The following POLQ variants were observed in gnomAD, a reference collection of about 807,000 sequenced individuals.
The protein encoded by POLQ is epididymis secretory sperm binding protein.
Under a neutral mutation model 259.2 loss-of-function variants are expected in POLQ, and 233 were observed. That is an observed-to-expected ratio of 0.90 (90% CI 0.81 to 1.00). The LOEUF (loss-of-function observed/expected upper bound fraction) is 1.00. Ranked by LOEUF, POLQ falls within the 50% of genes least tolerant of loss-of-function variation. The probability of loss-of-function intolerance (pLI) is 0.00; values close to 1 mark genes in which losing one functional copy is unlikely to be tolerated. For synonymous variants in POLQ, 1,025 were observed against 1,048.8 expected, an observed-to-expected ratio of 0.98 and a Z score of 0.44; for missense variants, 2,871 against 3,051.6, an observed-to-expected ratio of 0.94 and a Z score of 1.39.
chr3:121,541,216 C>T, intron 3 of POLQ, 133 bp downstream of exon 3: 2 of 765,838 alleles, frequency 2.6e-6, no homozygotes, highest in East Asian at 2.7e-5. Flanking sequence ...TGGCAGTAGC[C>T]TCTTAAAGCT....
chr3:121,455,528 C>A (rs1473562833), intron 25 of POLQ, among the ~76,000 whole-genome samples: 2 of 149,156 alleles, frequency 1.3e-5, no homozygotes, highest in Non-Finnish European at 1.5e-5. Context: ...CAAATAGACA[C>A]AAAAAAAAAA....
Position 121,481,594 on chromosome 3 carries a change from C to T in POLQ, c.6189G>A (p.Leu2063=), listed in dbSNP as rs2047970363. 6.2e-7 allele frequency: 1 copy of T among 1,600,678 alleles called. No individual in the cohort carries two copies. Among genetic ancestry groups the T allele is most frequent in the East Asian group, 2.2e-5 (1 of 44,662 alleles). ...IFNSMNQLNS[L]LQKENLQDVF... ...TACCTTGAAGGTTTTCCTTCTGCAA[C>T]AAAGAGTTGAGCTGATTCATAGAGT... Residue 2063 remains leucine, a synonymous_variant, in exon 19 of 30, where the codon TTG becomes TTA. Coordinates refer to ENST00000264233, the MANE Select transcript of POLQ (RefSeq NM_199420.4).
intron 13 of POLQ, among the ~76,000 whole-genome samples, chr3:121,497,601 T>C (rs2048135009): frequency 6.6e-6 from 1 of 152,072 alleles, no homozygotes. Flanking sequence ...CACAAACGGC[T>C]AATTTTTGTA....
chr3:121,499,128 G>C (rs932109909), intron 12 of POLQ, among the ~76,000 whole-genome samples: 2 of 151,932 alleles, frequency 1.3e-5, no homozygotes, highest in South Asian at 2.1e-4. Flanking sequence ...AAAGACAAAG[G>C]CCTCAGGATT....
intron 22 of POLQ, among the ~76,000 whole-genome samples, chr3:121,469,269 T>C: frequency 6.6e-6 from 1 of 152,168 alleles, no homozygotes; most frequent in Non-Finnish European, 1.5e-5. Context: ...GTTGAATTTC[T>C]CTAAAACATG....
At chr3:121,518,924 T>C (rs2048317582) in intron 9 of POLQ, among the ~76,000 whole-genome samples, 1 of 152,220 alleles carries the variant, frequency 6.6e-6, no homozygotes, top group Non-Finnish European at 1.5e-5. Flanking sequence ...TACAGCACGT[T>C]AGAAATAAAA....
chr3:121,469,407 C>A (rs938000585), intron 22 of POLQ, among the ~76,000 whole-genome samples: 34 of 152,110 alleles, frequency 2.2e-4, no homozygotes, highest in African/African-American at 7.7e-4. Context: ...TGTCTACTAG[C>A]TATGTATAAC....
Position 121,468,416 on chromosome 3 carries a change from G to C in POLQ, c.6734C>G (p.Thr2245Arg). 1 of 1,609,574 alleles carries C rather than the reference G, an allele frequency of 6.2e-7. No homozygotes were observed. Among genetic ancestry groups the C allele is most frequent in the Non-Finnish European group, 8.5e-7 (1 of 1,176,546 alleles). ...SHTATGRITF[T>R]EPNIQNVPRD... ...TGGCACATTCTGAATATTTGGTTCT[G>C]TAAAGGTTATTCGTCCTAAAATCAA... The change falls in exon 23 of 30, where the codon ACA becomes AGA. Residue 2245 changes from threonine to arginine, a missense_variant. Thr to Arg is a moderately conservative substitution (Grantham distance 71). This residue lies in a region of POLQ where 2,080 missense variants were observed against 2,126.0 expected (regional missense o/e 0.98). Coordinates refer to ENST00000264233, the MANE Select transcript of POLQ (RefSeq NM_199420.4).
intron 9 of POLQ, among the ~76,000 whole-genome samples, chr3:121,516,847 A>AT (rs2048301299): frequency 6.6e-6 from 1 of 152,250 alleles, no homozygotes; most frequent in African/African-American, 2.4e-5. Flanking sequence ...ATTAGCTTGA[A>AT]GTTATGAGCA....
At chr3:121,543,782 G>C (rs1396830039) in intron 2 of POLQ, among the ~76,000 whole-genome samples, 1 of 151,810 alleles carries the variant, frequency 6.6e-6, no homozygotes, top group South Asian at 2.1e-4. Context: ...TCAGGAGTTC[G>C]AGACCAGCCT....
chr3:121,503,837 A>G (rs915967449), intron 12 of POLQ, among the ~76,000 whole-genome samples: 15 of 152,180 alleles, frequency 9.9e-5, no homozygotes, highest in Non-Finnish European at 2.9e-5. Context: ...ATGACAAAAT[A>G]AACTGTATGT....
chr3:121,458,975 C>T (rs886468715), intron 25 of POLQ, among the ~76,000 whole-genome samples: 3 of 152,192 alleles, frequency 2.0e-5, no homozygotes, highest in Admixed American at 6.5e-5. Context: ...CGGTGGTGTG[C>T]ATTTACCTCA....
At position 121,475,028 on chromosome 3, in the gene POLQ, A is replaced by G. The variant is rs1378427596; in HGVS notation, c.6405+1512T>C. On this transcript the variant is annotated intron_variant, in intron 20 of 29. Coordinates refer to ENST00000264233, the MANE Select transcript of POLQ (RefSeq NM_199420.4). The stretch of plus-strand genomic sequence containing the variant: ...CATTTTTTATGGTAAGACATTTGAA[A>G]TTTACTCTTAGTTACTTTGAAATAT... Among the ~76,000 whole-genome samples the G allele has an allele frequency of 3.9e-5, 6 of 152,048 alleles. No homozygotes were observed. The East Asian group carries it at 1.2e-3, about 29-fold the overall frequency.
chr3:121,445,949 T>G (rs1431645395), intron 26 of POLQ, among the ~76,000 whole-genome samples: 2 of 152,184 alleles, frequency 1.3e-5, no homozygotes, highest in Non-Finnish European at 2.9e-5. Context: ...ATTTCTGCTC[T>G]GATCTGTATT....
chr3:121,442,953 G>A (rs1173308197), intron 26 of POLQ, among the ~76,000 whole-genome samples: 2 of 152,004 alleles, frequency 1.3e-5, no homozygotes, highest in East Asian at 3.9e-4. Context: ...TCTGCCTCCC[G>A]GTTCAAGCAA....
At chr3:121,491,985 T>C (rs540460013) in intron 15 of POLQ, among the ~76,000 whole-genome samples, 34 of 152,316 alleles carry the variant, frequency 2.2e-4, no homozygotes, top group African/African-American at 7.7e-4. Flanking sequence ...GAGAATCTAA[T>C]TGTTTTGTTT....
chr3:121,477,143 C>G (rs1484607759), intron 19 of POLQ, among the ~76,000 whole-genome samples: 2 of 152,180 alleles, frequency 1.3e-5, no homozygotes, highest in Non-Finnish European at 2.9e-5. Flanking sequence ...CCTGACTTTA[C>G]GTGACAGGGC....
At chr3:121,452,748 G>C (rs980981579) in intron 25 of POLQ, among the ~76,000 whole-genome samples, 7 of 152,200 alleles carry the variant, frequency 4.6e-5, no homozygotes, top group Non-Finnish European at 1.0e-4. Context: ...CTCAAACTGA[G>C]TGGAGCCCAC....
chr3:121,465,361 G>T (rs2047826649), intron 24 of POLQ, among the ~76,000 whole-genome samples: 1 of 152,018 alleles, frequency 6.6e-6, no homozygotes, highest in East Asian at 1.9e-4. Flanking sequence ...CAAAGTGCTG[G>T]GATTACAGGT....
Sources: gnomAD v4.1 joint callset for allele counts (sites outside exome capture counted in the v4.1 genomes callset) on GRCh38, gnomAD v4.1.1 for gene constraint, gnomAD v4.1.1 regional missense constraint, MANE v1.5 for transcripts, NCBI Gene and HGNC (gene_info 2026-07-23, HGNC 2026-07-21) for gene names.